The following LONRF3 variants were observed in gnomAD, a reference collection of about 807,000 sequenced individuals.
LONRF3 encodes the protein LON peptidase N-terminal domain and ring finger 3.
A neutral mutation model predicts 51.7 loss-of-function variants in LONRF3; 19 were observed. That is an observed-to-expected ratio of 0.37 (90% CI 0.26 to 0.54). LONRF3 has a LOEUF of 0.54. LONRF3 is among the 20% of genes least tolerant of loss of function. The probability of loss-of-function intolerance (pLI) is 0.86; values close to 1 mark genes in which losing one functional copy is unlikely to be tolerated. For synonymous variants in LONRF3, 265 were observed against 257.8 expected, an observed-to-expected ratio of 1.03 and a Z score of -0.27; for missense variants, 521 against 623.9, an observed-to-expected ratio of 0.84 and a Z score of 1.76.
intron 2 of LONRF3, among the ~76,000 whole-genome samples, chrX:118,982,393 C>T (rs1922630012): frequency 9.0e-6 from 1 of 111,649 alleles, no homozygotes. Flanking sequence ...CTACTGAGGA[C>T]TGGTTCTCTG....
chrX:118,978,493 G>T, intron 2 of LONRF3, 30 bp downstream of exon 2: 2 of 1,022,983 alleles, frequency 2.0e-6, no homozygotes, highest in Non-Finnish European at 2.7e-6. Context: ...GGTGGGAAGG[G>T]GTTGTACTGT....
chrX:118,975,153 C>T lies in LONRF3; in HGVS notation c.373C>T (p.Pro125Ser), dbSNP rs910645534. The T allele has an allele frequency of 5.2e-5, 61 of 1,169,219 alleles. No individual in the cohort carries two copies. The highest frequency in any genetic ancestry group is 6.9e-5 in the Non-Finnish European group (60 of 874,989). The change falls in exon 1 of 11, where the codon CCC becomes TCC. Residue 125 changes from proline to serine, a missense_variant. Physicochemically the swap from Pro to Ser is moderately conservative, Grantham distance 74. Around this residue, in one of 2 missense-constraint regions of LONRF3, gnomAD observed 376 missense variants for 376.7 expected, o/e 1.00. Coordinates refer to ENST00000371628, the MANE Select transcript of LONRF3 (RefSeq NM_001031855.3). ...GCAAGGCGAGGCGCTGGCGCCGGCG[C>T]CCCCGGACGAGGGTAGCACTGCAAG... ...VPQGEALAPAPPDEGSTASGT... is the reference protein window; with the variant it reads ...VPQGEALAPASPDEGSTASGT...
intron 2 of LONRF3, 78 bp downstream of exon 2, chrX:118,978,541 A>G (rs1461687789): frequency 1.6e-6 from 1 of 620,180 alleles, no homozygotes; most frequent in Admixed American, 2.5e-5. Context: ...TCCCTGGAGC[A>G]TAGGGGCACT....
intron 8 of LONRF3, among the ~76,000 whole-genome samples, 172 bp downstream of exon 8, chrX:119,012,145 G>A (rs1341224332): frequency 1.8e-5 from 2 of 110,860 alleles, no homozygotes; most frequent in Non-Finnish European, 3.8e-5. Context: ...CCATGTGAGA[G>A]GCTGTCTATT....
intron 3 of LONRF3, chrX:118,986,807 A>G: frequency 1.6e-6 from 1 of 610,473 alleles, no homozygotes; most frequent in South Asian, 3.0e-5. Context: ...CACTGGTCCA[A>G]GGCTTCCTCC....
At chrX:119,013,793 A>G (rs955529840) in intron 9 of LONRF3, among the ~76,000 whole-genome samples, 2 of 111,921 alleles carry the variant, frequency 1.8e-5, no homozygotes, top group Non-Finnish European at 3.8e-5. Flanking sequence ...GACTGAGTAA[A>G]TGTGTTTGAC....
At chrX:119,016,640 C>G (rs893225303) in intron 10 of LONRF3, among the ~76,000 whole-genome samples, 1 of 112,036 alleles carries the variant, frequency 8.9e-6, no homozygotes, top group South Asian at 3.7e-4. Context: ...CCACTGTGCC[C>G]GGCCCTGGGG....
At chrX:119,017,212 G>A (rs901054479) in intron 10 of LONRF3, among the ~76,000 whole-genome samples, 1 of 111,681 alleles carries the variant, frequency 9.0e-6, no homozygotes, top group Non-Finnish European at 1.9e-5. Flanking sequence ...AGGGGAAAGG[G>A]AGAGAAAGAG....
intron 5 of LONRF3, among the ~76,000 whole-genome samples, chrX:119,001,455 A>G (rs1193373769): frequency 8.9e-6 from 1 of 112,417 alleles, no homozygotes; most frequent in Admixed American, 9.4e-5. Context: ...AATTTTCTCA[A>G]TAGTATAATG....
rs1921839954 is a variant in LONRF3 at position 118,974,771 on chromosome X, C to G, written c.-10C>G. The G allele has an allele frequency of 5.9e-6, 7 of 1,179,217 alleles. No individual in the cohort carries two copies. Among genetic ancestry groups the G allele is most frequent in the Non-Finnish European group, 6.8e-6 (6 of 877,525 alleles). ...CTAGACGCCTCGTCTCCTCCCGTGT[C>G]CCTCTTCCCATGGAGTCAGTACGGA... On this transcript the variant is annotated 5_prime_UTR_variant, in exon 1 of 11. Transcript: ENST00000371628.
At chrX:118,979,197 T>G (rs1478546201) in intron 2 of LONRF3, among the ~76,000 whole-genome samples, 1 of 108,172 alleles carries the variant, frequency 9.2e-6, no homozygotes, top group Non-Finnish European at 1.9e-5. Context: ...TAGAGACAGG[T>G]TTTCACCGTG....
At chrX:118,998,102 C>A (rs1456228979) in intron 5 of LONRF3, among the ~76,000 whole-genome samples, 1 of 112,216 alleles carries the variant, frequency 8.9e-6, no homozygotes, top group Non-Finnish European at 1.9e-5. Flanking sequence ...CCATTTGATC[C>A]AGCAATCCCA....
rs113129534 is a variant in LONRF3, at chrX:118,992,672, G to C, written c.1415+2112G>C. On this transcript the variant is annotated intron_variant, in intron 5 of 10. Transcript: ENST00000371628. ...GGTCCCTCTCCACACTACCACAGCT[G>C]TTGTTTTCTGGAAAGCACCACCTCC... Among the ~76,000 whole-genome samples the C allele has an allele frequency of 2.5e-3, 280 of 111,528 alleles. 2 individuals are homozygous for C. The highest frequency in any genetic ancestry group is 7.9e-3 in the African/African-American group (243 of 30,659).
In LONRF3 at chrX:118,975,503, G is replaced by C; in HGVS notation, c.723G>C (p.Ala241=). The change falls in exon 1 of 11, where the codon GCG becomes GCC. Residue 241 remains alanine, a synonymous_variant. Transcript: ENST00000371628. ...GLLGKLFPGP[A]RASQLRHEGN... is the part of the protein sequence containing the mutation. ...TCGGCAAGTTGTTTCCAGGCCCAGC[G>C]CGAGCGTCGCAACTCCGGCACGAGG... 2 of 1,204,845 alleles carry C rather than the reference G, an allele frequency of 1.7e-6. No homozygotes were observed. Among genetic ancestry groups the C allele is most frequent in the Non-Finnish European group, 2.2e-6 (2 of 892,929 alleles).
chrX:119,008,728 A>G, intron 6 of LONRF3, among the ~76,000 whole-genome samples: 1 of 111,690 alleles, frequency 9.0e-6, no homozygotes, highest in East Asian at 2.8e-4. Flanking sequence ...AACTTTGAGC[A>G]TATCCCAGAT....
At chrX:119,000,775 TTCTCTCTCTCTCTC>T (rs200671696) in intron 5 of LONRF3, among the ~76,000 whole-genome samples, 157 of 55,810 alleles carry the variant, frequency 2.8e-3, no homozygotes, top group East Asian at 0.018. Context: ...TTCACTCTCA[TTCTCTCTCTCTCTC>T]TCTCTCTCTC....
At position 118,989,456 on chromosome X, in the gene LONRF3, A is replaced by C. The variant is rs141017294; in HGVS notation, c.1108A>C (p.Arg370=). 61 of 1,209,184 alleles carry C rather than the reference A, an allele frequency of 5.0e-5. 1 individual carries two copies. In the African/African-American group the frequency reaches 9.0e-4, roughly 18 times the overall value. The stretch of plus-strand genomic sequence containing the variant: ...TTCTAGTCAGGAGGAAGCAGCAGCC[A>C]GGGGAGATGGCAGCAGTCTGATGGA... The part of the protein sequence containing the change: ...HCSSQEEAAA[R]GDGSSLMDPA... The change falls in exon 4 of 11, where the codon AGG becomes CGG. Residue 370 remains arginine, a synonymous_variant. Coordinates refer to ENST00000371628, the MANE Select transcript of LONRF3 (RefSeq NM_001031855.3).
chrX:119,012,348 T>C (rs1042994823), intron 8 of LONRF3, among the ~76,000 whole-genome samples: 2 of 110,135 alleles, frequency 1.8e-5, no homozygotes, highest in African/African-American at 6.6e-5. Context: ...ACAATAATAG[T>C]ACCTACCTCA....
intron 5 of LONRF3, among the ~76,000 whole-genome samples, chrX:118,999,828 T>C (rs755832476): frequency 1.9e-4 from 21 of 111,885 alleles, no homozygotes; most frequent in Non-Finnish European, 2.4e-4. Context: ...AACAAAACCC[T>C]CTGTGCCTGG....
Sources: allele counts gnomAD v4.1 joint callset (sites outside exome capture counted in the v4.1 genomes callset), GRCh38; gene constraint gnomAD v4.1.1; regional missense constraint gnomAD v4.1.1; transcripts MANE v1.5; gene names NCBI Gene and HGNC (gene_info 2026-07-23, HGNC 2026-07-21).